The following FAM240B variants were observed in gnomAD, a reference collection of about 807,000 sequenced individuals.
FAM240B encodes protein FAM240B.
intron 2 of FAM240B, among the ~76,000 whole-genome samples, chr9:38,703,060 G>A (rs752872858): frequency 2.0e-5 from 3 of 152,146 alleles, no homozygotes; most frequent in Non-Finnish European, 4.4e-5. Context: ...TGAGGCCAAG[G>A]ATGCTGATAA....
At chr9:38,710,771 T>C (rs1423355378) in intron 1 of FAM240B, among the ~76,000 whole-genome samples, 1 of 152,206 alleles carries the variant, frequency 6.6e-6, no homozygotes, top group African/African-American at 2.4e-5. Flanking sequence ...ATTTTTATGC[T>C]CTTTATTGAG....
intron 2 of FAM240B, among the ~76,000 whole-genome samples, chr9:38,702,728 T>C (rs983288251): frequency 7.2e-5 from 11 of 152,148 alleles, no homozygotes; most frequent in African/African-American, 2.4e-4. Context: ...AAGACCACAT[T>C]ACCCTTCTCC....
intron 1 of FAM240B, among the ~76,000 whole-genome samples, chr9:38,706,348 G>C (rs1420468231): frequency 6.6e-6 from 1 of 152,042 alleles, no homozygotes; most frequent in South Asian, 2.1e-4. Flanking sequence ...CACCGCTCCC[G>C]GACACTCCCT....
intron 2 of FAM240B, among the ~76,000 whole-genome samples, chr9:38,698,881 T>A (rs1452537830): frequency 1.3e-5 from 2 of 152,250 alleles, no homozygotes; most frequent in African/African-American, 2.4e-5. Flanking sequence ...CCTTTTTGGT[T>A]GATATCTTTC....
chr9:38,704,732 C>T (rs1032790439), intron 1 of FAM240B, among the ~76,000 whole-genome samples: 4 of 152,130 alleles, frequency 2.6e-5, no homozygotes, highest in Non-Finnish European at 4.4e-5. Context: ...TGCTGTCTAT[C>T]GAGGACCCGA....
chr9:38,717,144 G>A (rs1025452856), intron 1 of FAM240B, among the ~76,000 whole-genome samples: 2 of 152,126 alleles, frequency 1.3e-5, no homozygotes, highest in Non-Finnish European at 2.9e-5. Context: ...GGGCTCCTAG[G>A]GGCTTCGGCT....
intron 1 of FAM240B, among the ~76,000 whole-genome samples, chr9:38,709,927 T>C (rs1314620448): frequency 1.3e-5 from 2 of 152,208 alleles, no homozygotes; most frequent in African/African-American, 4.8e-5. Flanking sequence ...TGTATGCAGA[T>C]GGAAGAGAAG....
intron 2 of FAM240B, among the ~76,000 whole-genome samples, chr9:38,699,196 T>C (rs10739005): frequency 1.3e-5 from 2 of 152,112 alleles, no homozygotes; most frequent in African/African-American, 4.8e-5. Context: ...AGGAGCACAG[T>C]TTCTCCTTGA....
intron 2 of FAM240B, among the ~76,000 whole-genome samples, chr9:38,697,333 G>C (rs1214402269): frequency 6.6e-6 from 1 of 152,152 alleles, no homozygotes; most frequent in Non-Finnish European, 1.5e-5. Context: ...ATGCAGGCCC[G>C]TCCCAGCAAA....
At chr9:38,711,228 A>G (rs1821252281) in intron 1 of FAM240B, among the ~76,000 whole-genome samples, 1 of 152,182 alleles carries the variant, frequency 6.6e-6, no homozygotes, top group East Asian at 1.9e-4. Flanking sequence ...GGATAAACAA[A>G]CAAACAAAAA....
At chr9:38,713,890 ACTT>A (rs1437690525) in intron 1 of FAM240B, among the ~76,000 whole-genome samples, 4 of 152,238 alleles carry the variant, frequency 2.6e-5, no homozygotes, top group African/African-American at 9.6e-5. Context: ...AGTAAGCACT[ACTT>A]TTATCTCCTT....
chr9:38,697,628 TATA>T (rs1345116358), intron 2 of FAM240B, among the ~76,000 whole-genome samples: 1 of 152,256 alleles, frequency 6.6e-6, no homozygotes, highest in African/African-American at 2.4e-5. Flanking sequence ...TATATAAACT[TATA>T]ATTAAGTTAT....
intron 1 of FAM240B, among the ~76,000 whole-genome samples, chr9:38,704,740 C>G (rs574493723): frequency 3.9e-5 from 6 of 152,220 alleles, no homozygotes; most frequent in African/African-American, 1.4e-4. Context: ...ATCGAGGACC[C>G]GATGTGGGCC....
At chr9:38,717,543 C>G (rs1294046984) in intron 1 of FAM240B, among the ~76,000 whole-genome samples, 5 of 152,184 alleles carry the variant, frequency 3.3e-5, no homozygotes, top group African/African-American at 1.2e-4. Context: ...TGCAGTGGCG[C>G]AATCTTGGCT....
chr9:38,696,368 T>C (rs977204108), intron 2 of FAM240B, among the ~76,000 whole-genome samples: 2 of 152,118 alleles, frequency 1.3e-5, no homozygotes, highest in African/African-American at 4.8e-5. Context: ...TAGGCACCTA[T>C]TACCAGATTG....
chr9:38,704,620 C>T (rs188428219), intron 1 of FAM240B, among the ~76,000 whole-genome samples: 1 of 152,272 alleles, frequency 6.6e-6, no homozygotes, highest in African/African-American at 2.4e-5. Context: ...GTGTAAGATG[C>T]ACATCATCAA....
intron 1 of FAM240B, among the ~76,000 whole-genome samples, chr9:38,704,429 T>C (rs1349438777): frequency 6.6e-6 from 1 of 152,226 alleles, no homozygotes; most frequent in Non-Finnish European, 1.5e-5. Context: ...ATCAATTTTT[T>C]CATTGATGTA....
intron 1 of FAM240B, among the ~76,000 whole-genome samples, chr9:38,706,893 A>G (rs998169529): frequency 2.0e-5 from 3 of 152,220 alleles, no homozygotes; most frequent in Admixed American, 6.5e-5. Context: ...ATTTTCATTC[A>G]TAGAACCAGG....
At chr9:38,718,472 C>CAA (rs1821333509) in intron 1 of FAM240B, among the ~76,000 whole-genome samples, 1 of 152,118 alleles carries the variant, frequency 6.6e-6, no homozygotes, top group African/African-American at 2.4e-5. Context: ...AATGAAAAGA[C>CAA]AAGCACAGGT....
Sources: gnomAD v4.1 joint callset for allele counts (sites outside exome capture counted in the v4.1 genomes callset) on GRCh38, gnomAD v4.1.1 for gene constraint, MANE v1.5 for transcripts, NCBI Gene and HGNC (gene_info 2026-07-23, HGNC 2026-07-21) for gene names.